Variants in SH3BP2 observed in about 807,000 individuals in gnomAD.
The protein encoded by SH3BP2 is SH3 domain binding protein 2.
Under a neutral mutation model 56.2 loss-of-function variants are expected in SH3BP2, and 38 were observed. The observed-to-expected ratio is 0.68, with a 90% confidence interval of 0.52 to 0.89. SH3BP2 has a LOEUF of 0.89. Among genes scored for constraint, SH3BP2 ranks in the 40% least tolerant of loss-of-function variants. SH3BP2 has a pLI of 0.00. For synonymous variants in SH3BP2, 346 were observed against 316.7 expected (o/e 1.09, Z -0.98); for missense variants, 748 against 762.6 (o/e 0.98, Z 0.23).
chr4:2,795,404 T>A (rs945955058), intron 1 of SH3BP2, among the ~76,000 whole-genome samples: 1 of 152,310 alleles, frequency 6.6e-6, no homozygotes, highest in African/African-American at 2.4e-5. Context: ...CCCTCCTCAC[T>A]CTCTGTCCTC....
At chr4:2,827,523 G>C (rs1284133010) in intron 6 of SH3BP2, 83 bp from the exon 7 acceptor site, 1 of 1,444,406 alleles carries the variant, frequency 6.9e-7, no homozygotes, top group Non-Finnish European at 9.5e-7. Flanking sequence ...CTTGCCTCCT[G>C]GACTCAGCCC....
chr4:2,827,293 T>C lies in SH3BP2; in HGVS notation c.492T>C (p.Leu164=). 1 of 1,614,196 alleles carries C rather than the reference T, an allele frequency of 6.2e-7. No homozygotes were observed. The highest frequency in any genetic ancestry group is 2.2e-5 in the East Asian group (1 of 44,886). ...TTGAGCGGCCTGTGGATATCAGCCT[T>C]TCCCCGTACCCCACGGACAATGAAG... The part of the protein sequence containing the change: ...GAVERPVDIS[L]SPYPTDNEDY... Residue 164 remains leucine (L), a synonymous_variant, in exon 6 of 13, where the codon CTT becomes CTC. Transcript: ENST00000503393.
intron 8 of SH3BP2, 42 bp downstream of exon 8, chr4:2,830,189 G>C: frequency 2.5e-6 from 4 of 1,569,962 alleles, no homozygotes; most frequent in Non-Finnish European, 3.4e-6. Context: ...TCCAGCTACA[G>C]GGACCCTGGC....
At chr4:2,793,517 G>A (rs1577328945) in intron 1 of SH3BP2, among the ~76,000 whole-genome samples, 1 of 151,662 alleles carries the variant, frequency 6.6e-6, no homozygotes, top group East Asian at 2.0e-4. Context: ...TTCGGGGCGG[G>A]GGCCGGGTGT....
intron 12 of SH3BP2, 136 bp from the exon 13 acceptor site, chr4:2,833,561 C>A: frequency 8.8e-7 from 1 of 1,140,464 alleles, no homozygotes; most frequent in Non-Finnish European, 1.3e-6. Context: ...ACCTTGGGGG[C>A]ACCACCGACA....
intron 5 of SH3BP2, among the ~76,000 whole-genome samples, chr4:2,825,528 G>GGACATGCACACACACAGCAACACGTA (rs1724565256): frequency 1.4e-5 from 2 of 145,196 alleles, no homozygotes; most frequent in African/African-American, 5.0e-5. Context: ...AGCAACACGT[G>GGACATGCACACACACAGCAACACGTA]GACATGCACA....
intron 1 of SH3BP2, among the ~76,000 whole-genome samples, chr4:2,796,218 G>A (rs1188437749): frequency 1.3e-5 from 2 of 152,196 alleles, no homozygotes; most frequent in Non-Finnish European, 2.9e-5. Context: ...TCCGTGCCGG[G>A]CCCCTGACTA....
chr4:2,829,598 C>T lies in SH3BP2; in HGVS notation c.692C>T (p.Pro231Leu), dbSNP rs1724859262. The T allele has an allele frequency of 6.2e-7, 1 of 1,612,780 alleles. No homozygotes were observed. Among genetic ancestry groups the T allele is most frequent in the Non-Finnish European group, 8.5e-7 (1 of 1,179,528 alleles). The change falls in exon 8 of 13, where the codon CCC becomes CTC. Residue 231 changes from proline to leucine, a missense_variant. Physicochemically the swap from Pro to Leu is moderately conservative, Grantham distance 98. This residue lies in a region of SH3BP2 where 635 missense variants were observed against 615.0 expected (regional missense o/e 1.03). Transcript: ENST00000503393. This position sits in a 1 kb window ranked among gnomAD's most constrained non-coding sequence, Gnocchi z 4.9. ...PRAHSFTSKGPGPLLPPPPPK... is the reference protein window; with the variant it reads ...PRAHSFTSKGLGPLLPPPPPK... ...GCCCACTCCTTTACCTCCAAGGGCC[C>T]CGGTCCCCTACTGCCACCCCCGCCC...
At chr4:2,816,589 A>C (rs1445967363) in intron 1 of SH3BP2, among the ~76,000 whole-genome samples, 1 of 151,914 alleles carries the variant, frequency 6.6e-6, no homozygotes, top group Non-Finnish European at 1.5e-5. Flanking sequence ...TTTTCATAGA[A>C]CCCTTTATCA....
Position 2,831,705 on chromosome 4 carries a change from C to A in SH3BP2, c.1350+26C>A. On this transcript the variant is annotated intron_variant, in intron 9 of 12. Coordinates refer to ENST00000503393, the MANE Select transcript of SH3BP2 (RefSeq NM_001122681.2). This position sits in a 1 kb window ranked among gnomAD's most constrained non-coding sequence, Gnocchi z 4.1. The stretch of plus-strand genomic sequence containing the variant: ...GCAAGGCTGAGCGGCAAGCCTGGGT[C>A]CCAGTGGCCAGTAGGTGGACAGGTG... 6.5e-7 allele frequency: 1 copy of A among 1,549,902 alleles called. No homozygotes were observed. Among genetic ancestry groups the A allele is most frequent in the Non-Finnish European group, 8.8e-7 (1 of 1,136,430 alleles).
rs1725308749 is a variant in SH3BP2 at position 2,838,463 on chromosome 4, A to G, written c.*4629A>G. 1 of 152,186 alleles carries G rather than the reference A, an allele frequency of 6.6e-6. No homozygotes were observed. Among genetic ancestry groups the G allele is most frequent in the African/African-American group, 2.4e-5 (1 of 41,434 alleles). The allele number at this position is 152,186 out of a possible 1,614,324, so 9.4% of individuals were successfully genotyped here. On this transcript the variant is annotated 3_prime_UTR_variant, in exon 13 of 13. Transcript: ENST00000503393. Reference sequence around the variant, plus strand: ...GAGATTTATTCATGTTGCTGTGCGTAGTATAGTTTGTGCATGTTCATTGCT... The same window carrying G: ...GAGATTTATTCATGTTGCTGTGCGTGGTATAGTTTGTGCATGTTCATTGCT...
Position 2,810,020 on chromosome 4 carries a change from T to C in SH3BP2, c.-4-10594T>C, listed in dbSNP as rs996472418. Among the ~76,000 whole-genome samples, 11 of 152,150 alleles carry C rather than the reference T, an allele frequency of 7.2e-5. No individual in the cohort carries two copies. Among genetic ancestry groups the C allele is most frequent in the African/African-American group, 2.7e-4 (11 of 41,434 alleles). On this transcript the variant is annotated intron_variant, in intron 1 of 12. Transcript: ENST00000503393. The surrounding 1 kb of genome is among the most constrained non-coding windows in gnomAD (Gnocchi z 4.2). ...GGATGCAGGCGTGGGGTCATCTCCA[T>C]GGTTACCGGCACAGGGTAAATGTCA...
At chr4:2,813,442 C>T (rs1002983823) in intron 1 of SH3BP2, among the ~76,000 whole-genome samples, 5 of 152,086 alleles carry the variant, frequency 3.3e-5, no homozygotes, top group Non-Finnish European at 4.4e-5. Context: ...GTGCCCAGTG[C>T]GCTCGGCACA....
At position 2,802,822 on chromosome 4, in the gene SH3BP2, G is replaced by A. The variant is rs189035617; in HGVS notation, c.-5+9684G>A. On this transcript the variant is annotated intron_variant, in intron 1 of 12. Transcript: ENST00000503393. ...TGAGTGGACAGAGGGAAGGGACCCTGTTGTGCTGACTCAGCCTTGGTGGGT... is the reference window on the plus strand; with the variant it reads ...TGAGTGGACAGAGGGAAGGGACCCTATTGTGCTGACTCAGCCTTGGTGGGT... Among the ~76,000 whole-genome samples, 126 of 152,264 alleles carry A rather than the reference G, an allele frequency of 8.3e-4. 2 individuals are homozygous for A. The East Asian group carries it at 0.023, about 27-fold the overall frequency.
intron 1 of SH3BP2, chr4:2,812,239 C>T: frequency 6.6e-7 from 1 of 1,521,646 alleles, no homozygotes; most frequent in Non-Finnish European, 8.8e-7. Context: ...GCCCAGGGAG[C>T]AGGGAACAGG....
Position 2,822,923 on chromosome 4 carries a change from C to G in SH3BP2, c.137-12C>G. On this transcript the variant is annotated splice_polypyrimidine_tract_variant and intron_variant, in intron 2 of 12. Coordinates refer to ENST00000503393, the MANE Select transcript of SH3BP2 (RefSeq NM_001122681.2). ...TCCAGGCTCACCTTCCTGCCCTTGC[C>G]ACCTCCCACAGGGCCCCTGCGCTTT... The G allele has an allele frequency of 6.2e-7, 1 of 1,610,582 alleles. No homozygotes were observed. Among genetic ancestry groups the G allele is most frequent in the Non-Finnish European group, 8.5e-7 (1 of 1,177,252 alleles).
At chr4:2,799,256 C>A (rs910729548) in intron 1 of SH3BP2, 6 of 985,296 alleles carry the variant, frequency 6.1e-6, no homozygotes, top group Non-Finnish European at 7.2e-6. Flanking sequence ...ACCCTCACCG[C>A]GACTGGACTT....
chr4:2,804,542 C>T (rs1723449571), intron 1 of SH3BP2, among the ~76,000 whole-genome samples: 1 of 152,198 alleles, frequency 6.6e-6, no homozygotes, highest in African/African-American at 2.4e-5. Context: ...CCAGGCCTTC[C>T]TGTCCTGCTG....
At chr4:2,815,417 G>A (rs1723953120) in intron 1 of SH3BP2, among the ~76,000 whole-genome samples, 1 of 152,214 alleles carries the variant, frequency 6.6e-6, no homozygotes, top group African/African-American at 2.4e-5. Context: ...CCCAGGGTCA[G>A]CTGATGATCA....
Sources: allele counts gnomAD v4.1 joint callset (sites outside exome capture counted in the v4.1 genomes callset), GRCh38; gene constraint gnomAD v4.1.1; regional missense constraint gnomAD v4.1.1; non-coding constraint Gnocchi (gnomAD v3.1); transcripts MANE v1.5; gene names NCBI Gene and HGNC (gene_info 2026-07-23, HGNC 2026-07-21).